Variants in PUS10 observed in about 807,000 individuals in gnomAD.
PUS10 encodes the protein pseudouridine synthase 10, also known as tRNA pseudouridine synthase Pus10.
In PUS10, 59 loss-of-function variants were observed where a neutral mutation model predicts 75.0. That is an observed-to-expected ratio of 0.79 (90% CI 0.64 to 0.98). The LOEUF (loss-of-function observed/expected upper bound fraction) is 0.98, where lower values mean the gene tolerates loss of function less well. Among genes scored for constraint, PUS10 ranks in the 50% least tolerant of loss-of-function variants. The probability of loss-of-function intolerance (pLI) is 0.00; values close to 1 mark genes in which losing one functional copy is unlikely to be tolerated. For synonymous variants in PUS10, 219 were observed against 211.6 expected (o/e 1.03, Z -0.30); for missense variants, 650 against 614.4 (o/e 1.06, Z -0.61).
rs372498476 is a variant in PUS10, at chr2:61,008,836, C to A, written c.306G>T (p.Lys102Asn). The stretch of plus-strand genomic sequence containing the variant: ...CATTACATACATTTAAATTTGAGTT[C>A]TTGGAAGCAGTGCTTCCAACATGAC... Reference protein sequence around the residue: ...SVSHVGSTASKNSNLNVCNVC... With the variant: ...SVSHVGSTASNNSNLNVCNVC... Residue 102 changes from lysine to asparagine, a missense_variant, in exon 3 of 18, where the codon AAG becomes AAT. Coordinates refer to ENST00000316752, the MANE Select transcript of PUS10 (RefSeq NM_144709.4). 2.3e-4 allele frequency: 370 copies of A among 1,609,360 alleles called. No individual in the cohort carries two copies. The highest frequency in any genetic ancestry group is 3.0e-4 in the Non-Finnish European group (355 of 1,176,410).
At chr2:60,951,571 G>A (rs915538126) in intron 15 of PUS10, among the ~76,000 whole-genome samples, 1 of 152,118 alleles carries the variant, frequency 6.6e-6, no homozygotes, top group African/African-American at 2.4e-5. Context: ...ATTTCCACGA[G>A]GGTTCGTGCT....
intron 7 of PUS10, 38 bp downstream of exon 7, chr2:60,965,385 A>G (rs752591775): frequency 1.7e-5 from 26 of 1,515,822 alleles, no homozygotes; most frequent in Middle Eastern, 1.7e-4. Flanking sequence ...CAGCATTAAC[A>G]ATTTTACACC....
In PUS10 at chr2:60,950,906, T is replaced by G. The variant is rs76956745; in HGVS notation, c.1308+2091A>C. Among the ~76,000 whole-genome samples, 1,476 of 152,266 alleles carry G rather than the reference T, an allele frequency of 9.7e-3. 22 individuals are homozygous for G. The highest frequency in any genetic ancestry group is 0.034 in the African/African-American group (1,402 of 41,526). ...AGGACAGTTCAGTATATTTTAAATT[T>G]TTGCAGTCATTACCATGTTGTTTTT... On this transcript the variant is annotated intron_variant, in intron 15 of 17. Coordinates refer to ENST00000316752, the MANE Select transcript of PUS10 (RefSeq NM_144709.4).
chr2:60,983,995 A>G (rs1415754496), intron 4 of PUS10, among the ~76,000 whole-genome samples: 1 of 152,100 alleles, frequency 6.6e-6, no homozygotes, highest in African/African-American at 2.4e-5. Flanking sequence ...AAGAGATTCC[A>G]CTCAAATTTC....
chr2:60,956,349 G>A (rs1675650978), intron 11 of PUS10, among the ~76,000 whole-genome samples: 1 of 152,226 alleles, frequency 6.6e-6, no homozygotes, highest in African/African-American at 2.4e-5. Flanking sequence ...CATCTGGGAA[G>A]CTGAAGATGC....
chr2:60,964,206 G>A (rs1406524328), intron 8 of PUS10, among the ~76,000 whole-genome samples: 1 of 152,184 alleles, frequency 6.6e-6, no homozygotes, highest in Non-Finnish European at 1.5e-5. Flanking sequence ...GGCTTGGTCT[G>A]CATTTCTAAT....
At chr2:60,971,611 G>A (rs897014241) in intron 4 of PUS10, 54 bp from the exon 5 acceptor site, 1 of 1,522,868 alleles carries the variant, frequency 6.6e-7, no homozygotes, top group Admixed American at 1.7e-5. Context: ...CATGTTCAGT[G>A]AAATTAAGTC....
intron 1 of PUS10, chr2:61,017,609 T>G: frequency 1.7e-6 from 1 of 597,790 alleles, no homozygotes; most frequent in South Asian, 2.1e-5. Flanking sequence ...TGGATTCAGC[T>G]GGCAAAGTAA....
chr2:61,018,189 A>G lies in PUS10; in HGVS notation c.-197T>C, dbSNP rs1165351136. Reference sequence around the variant, plus strand: ...TGGCTTCTCTATCTTTAAAGCGTAGACTTTGGTCTGTAGCAGTTGAGAGCG... The same window carrying G: ...TGGCTTCTCTATCTTTAAAGCGTAGGCTTTGGTCTGTAGCAGTTGAGAGCG... On this transcript the variant is annotated 5_prime_UTR_variant, in exon 1 of 18. Transcript: ENST00000316752. 1 of 1,550,894 alleles carries G rather than the reference A, an allele frequency of 6.4e-7. No homozygotes were observed. Among genetic ancestry groups the G allele is most frequent in the Admixed American group, 2.0e-5 (1 of 51,000 alleles).
At chr2:60,992,143 T>C (rs1410621416) in intron 4 of PUS10, among the ~76,000 whole-genome samples, 12 of 152,056 alleles carry the variant, frequency 7.9e-5, no homozygotes. Flanking sequence ...TCCAAGTAGC[T>C]GGGACTACAG....
intron 11 of PUS10, among the ~76,000 whole-genome samples, chr2:60,956,932 A>G (rs1271623293): frequency 1.4e-5 from 2 of 139,914 alleles, no homozygotes; most frequent in African/African-American, 5.5e-5. Flanking sequence ...CCGAGATCAC[A>G]CCACTGCACT....
At chr2:60,994,368 T>A (rs1678312944) in intron 4 of PUS10, among the ~76,000 whole-genome samples, 3 of 147,538 alleles carry the variant, frequency 2.0e-5, no homozygotes, top group Admixed American at 6.8e-5. Flanking sequence ...CATACATGCA[T>A]CAATCTTCCT....
Position 60,948,070 on chromosome 2 carries a change from C to T in PUS10, c.1424G>A (p.Arg475His), listed in dbSNP as rs1407531739. Reference protein sequence around the residue: ...ETQYVDEHHFRLHLKTQAGTY... With the variant: ...ETQYVDEHHFHLHLKTQAGTY... The stretch of plus-strand genomic sequence containing the variant: ...GCCAGCCTGAGTTTTCAAGTGGAGG[C>T]GGAAGTGGTGCTCATCCACGTACTG... The change falls in exon 16 of 18, where the codon CGC becomes CAC. Residue 475 changes from arginine to histidine, a missense_variant. Arg to His is a conservative substitution (Grantham distance 29). Transcript: ENST00000316752. 8.1e-6 allele frequency: 13 copies of T among 1,613,940 alleles called. No individual in the cohort carries two copies. The highest frequency in any genetic ancestry group is 2.2e-5 in the East Asian group (1 of 44,880).
At chr2:61,007,228 T>TAAAA (rs369386636) in intron 3 of PUS10, among the ~76,000 whole-genome samples, 30,085 of 150,322 alleles carry the variant, frequency 0.2, 3,175 homozygotes, top group Middle Eastern at 0.27. Flanking sequence ...TTTTTTTTTT[T>TAAAA]AAAAAAAAGA....
rs763028111 is a variant in PUS10, at chr2:61,006,620, A to C, written c.405T>G (p.Ser135=). The C allele has an allele frequency of 7.4e-6, 12 of 1,613,028 alleles. No individual in the cohort carries two copies. The highest frequency in any genetic ancestry group is 1.0e-5 in the Non-Finnish European group (12 of 1,179,610). ...IKKVCQKVEA[S]GFEFTSLVFS... ...ATACCAAGCTGGTGAATTCAAACCC[A>C]GAGGCCTCAACCTTTTGGCACACCT... The change falls in exon 4 of 18, where the codon TCT becomes TCG. Residue 135 remains serine (S), a synonymous_variant. Coordinates refer to ENST00000316752, the MANE Select transcript of PUS10 (RefSeq NM_144709.4).
rs550235318 is a variant in PUS10, at chr2:61,010,219, T to G, written c.127-1204A>C. 2.0e-5 allele frequency: 3 copies of G among 152,672 alleles called. No homozygotes were observed. In the South Asian group the frequency reaches 6.2e-4, roughly 32 times the overall value. The allele number at this position is 152,672 out of a possible 1,614,324, so 9.5% of individuals were successfully genotyped here. On this transcript the variant is annotated intron_variant, in intron 2 of 17. Transcript: ENST00000316752. ...TCTGAAAAAAATGTGTAAGCAGGGT[T>G]ACACAAAACCAGTCTTATTACTTTA... is the stretch of plus-strand genomic sequence containing the variant.
intron 4 of PUS10, among the ~76,000 whole-genome samples, chr2:60,978,293 G>A (rs1038471359): frequency 6.6e-5 from 10 of 151,764 alleles, no homozygotes; most frequent in South Asian, 2.1e-4. Flanking sequence ...GTGGTGGTGC[G>A]CACCTGTAAT....
At chr2:60,944,987 A>G in intron 17 of PUS10, 22 bp downstream of exon 17, 1 of 1,570,882 alleles carries the variant, frequency 6.4e-7, no homozygotes, top group Non-Finnish European at 8.8e-7. Flanking sequence ...GCCAATGTGC[A>G]TTCCACAACA....
chr2:60,996,591 T>C (rs753118795), intron 4 of PUS10, among the ~76,000 whole-genome samples: 2 of 151,046 alleles, frequency 1.3e-5, no homozygotes, highest in Non-Finnish European at 2.9e-5. Context: ...AGAGATGGTA[T>C]GGTTTAAAAA....
Sources: allele counts gnomAD v4.1 joint callset (sites outside exome capture counted in the v4.1 genomes callset), GRCh38; gene constraint gnomAD v4.1.1; transcripts MANE v1.5; gene names NCBI Gene and HGNC (gene_info 2026-07-23, HGNC 2026-07-21).